KIRREL3: variants seen among roughly 807,000 people sequenced by gnomAD.
KIRREL3 encodes kirre like nephrin family adhesion molecule 3.
In KIRREL3, 36 loss-of-function variants were observed where a neutral mutation model predicts 89.7. The ratio of observed to expected loss-of-function variants is 0.40; its 90% CI spans 0.31 to 0.53. KIRREL3 has a LOEUF of 0.53. Ranked by LOEUF, KIRREL3 falls within the 20% of genes least tolerant of loss-of-function variation. The probability of loss-of-function intolerance (pLI) is 0.49; values close to 1 mark genes in which losing one functional copy is unlikely to be tolerated. For synonymous variants in KIRREL3, 445 were observed against 441.4 expected, an observed-to-expected ratio of 1.01 and a Z score of -0.10; for missense variants, 864 against 1,056.6, an observed-to-expected ratio of 0.82 and a Z score of 2.53.
In KIRREL3 at chr11:126,537,422, G is replaced by A. The variant is rs1937986455; in HGVS notation, c.134-10735C>T. Among the ~76,000 whole-genome samples, 1 of 152,222 alleles carries A rather than the reference G, an allele frequency of 6.6e-6. No homozygotes were observed. The highest frequency in any genetic ancestry group is 2.1e-4 in the South Asian group (1 of 4,836). ...TCTTGCTTCAAGCAAGGGAGTTGTG[G>A]GGAGGAAGCAGAGAAGGCATCCTGG... On this transcript the variant is annotated intron_variant, in intron 2 of 16. Transcript: ENST00000525144. This position sits in a 1 kb window ranked among gnomAD's most constrained non-coding sequence, Gnocchi z 4.3.
Position 126,704,788 on chromosome 11 carries a change from A to G in KIRREL3, c.56-141876T>C, listed in dbSNP as rs1439888134. On this transcript the variant is annotated intron_variant, in intron 1 of 16. Coordinates refer to ENST00000525144, the MANE Select transcript of KIRREL3 (RefSeq NM_032531.4). The surrounding 1 kb of genome is among the most constrained non-coding windows in gnomAD (Gnocchi z 4.2). ...TCCAAAGGCTTGATACAGGAACCAC[A>G]TCAGAATTGGTGACAAAACAAGCTG... is the stretch of plus-strand genomic sequence containing the variant. Among the ~76,000 whole-genome samples, 1 of 152,236 alleles carries G rather than the reference A, an allele frequency of 6.6e-6. No individual in the cohort carries two copies. Among genetic ancestry groups the G allele is most frequent in the Non-Finnish European group, 1.5e-5 (1 of 68,046 alleles).
chr11:126,891,677 G>A lies in KIRREL3; in HGVS notation c.55+108778C>T, dbSNP rs61907869. 5.5e-3 allele frequency among the ~76,000 whole-genome samples: 831 copies of A among 152,318 alleles called. 7 individuals are homozygous for A. Among genetic ancestry groups the A allele is most frequent in the Admixed American group, 0.01 (154 of 15,308 alleles). On this transcript the variant is annotated intron_variant, in intron 1 of 16. Coordinates refer to ENST00000525144, the MANE Select transcript of KIRREL3 (RefSeq NM_032531.4). This position sits in a 1 kb window ranked among gnomAD's most constrained non-coding sequence, Gnocchi z 5.1. ...CACAGACTTCAGAAATCACACCAAA[G>A]CAGCTTGGCTTCTAAGATGCAGCCC... is the stretch of plus-strand genomic sequence containing the variant.
chr11:126,781,870 T>C (rs901930471), intron 1 of KIRREL3, among the ~76,000 whole-genome samples: 1 of 152,208 alleles, frequency 6.6e-6, no homozygotes, highest in Non-Finnish European at 1.5e-5. Flanking sequence ...GGGCCACTTA[T>C]ACGATAGATT....
chr11:126,524,699 A>G (rs1958695862), intron 3 of KIRREL3, among the ~76,000 whole-genome samples: 1 of 152,348 alleles, frequency 6.6e-6, no homozygotes, highest in Middle Eastern at 3.4e-3. Flanking sequence ...CGGGGGGGCC[A>G]CATGGGTACA....
intron 1 of KIRREL3, among the ~76,000 whole-genome samples, chr11:126,626,862 G>GC (rs1410172072): frequency 2.0e-5 from 3 of 152,142 alleles, no homozygotes; most frequent in African/African-American, 7.2e-5. Context: ...TCAAAAATTA[G>GC]CCAGGCGTGG....
chr11:127,002,149 CAAGA>C (rs1307701254), upstream of KIRREL3, among the ~76,000 whole-genome samples: 2 of 152,120 alleles, frequency 1.3e-5, no homozygotes, highest in East Asian at 3.8e-4. Flanking sequence ...TATTTGTGAA[CAAGA>C]AAGAAAGAAG....
chr11:126,500,440 A>C (rs1237165377), intron 4 of KIRREL3, among the ~76,000 whole-genome samples: 1 of 152,208 alleles, frequency 6.6e-6, no homozygotes, highest in Non-Finnish European at 1.5e-5. Context: ...ACATTAATTT[A>C]GTTGAAAAAC....
At chr11:126,425,260 C>G (rs1376450554) in intron 16 of KIRREL3, among the ~76,000 whole-genome samples, 1 of 152,102 alleles carries the variant, frequency 6.6e-6, no homozygotes, top group Non-Finnish European at 1.5e-5. Context: ...AGGGGAGGGA[C>G]GGCAAGGGTG....
intron 1 of KIRREL3, among the ~76,000 whole-genome samples, chr11:126,665,576 C>T (rs1466630204): frequency 1.3e-5 from 2 of 152,292 alleles, no homozygotes; most frequent in East Asian, 3.9e-4. Flanking sequence ...CCCTCTTCCA[C>T]CATGTGAGGA....
At chr11:126,679,008 T>G (rs190637945) in intron 1 of KIRREL3, among the ~76,000 whole-genome samples, 3 of 152,316 alleles carry the variant, frequency 2.0e-5, no homozygotes, top group Non-Finnish European at 1.5e-5. Context: ...ACCAATGAGA[T>G]GTAAGGAGAA....
At position 126,788,101 on chromosome 11, in the gene KIRREL3, C is replaced by T. The variant is rs1383970775; in HGVS notation, c.55+212354G>A. Among the ~76,000 whole-genome samples the T allele has an allele frequency of 1.3e-5, 2 of 152,246 alleles. No individual in the cohort carries two copies. The highest frequency in any genetic ancestry group is 1.5e-5 in the Non-Finnish European group (1 of 68,022). On this transcript the variant is annotated intron_variant, in intron 1 of 16. Coordinates refer to ENST00000525144, the MANE Select transcript of KIRREL3 (RefSeq NM_032531.4). The surrounding 1 kb of genome is among the most constrained non-coding windows in gnomAD (Gnocchi z 4.1). ...GCTCTGGAGCCCATACTCTTAGCCA[C>T]GACAATATTCCGCCTCCCATAGCAT...
At chr11:126,926,846 G>C (rs564736628) in intron 1 of KIRREL3, among the ~76,000 whole-genome samples, 1 of 152,288 alleles carries the variant, frequency 6.6e-6, no homozygotes, top group African/African-American at 2.4e-5. Flanking sequence ...AATCGCTATG[G>C]ATTTTTCCCC....
At chr11:126,972,613 G>A (rs1446800255) in intron 1 of KIRREL3, among the ~76,000 whole-genome samples, 2 of 152,148 alleles carry the variant, frequency 1.3e-5, no homozygotes, top group Admixed American at 1.3e-4. Context: ...TATTATTTAG[G>A]CCACCACAGA....
At chr11:126,517,242 C>A (rs1958445918) in intron 4 of KIRREL3, among the ~76,000 whole-genome samples, 1 of 150,744 alleles carries the variant, frequency 6.6e-6, no homozygotes, top group Non-Finnish European at 1.5e-5. Flanking sequence ...AGATGAAGAA[C>A]CAGAAACGTC....
intron 7 of KIRREL3, among the ~76,000 whole-genome samples, chr11:126,450,646 CGT>C (rs569047646): frequency 0.081 from 10,939 of 134,952 alleles, 1,384 homozygotes; most frequent in African/African-American, 0.28. Flanking sequence ...AGCATGTGCA[CGT>C]GTGTGTGCAT....
intron 11 of KIRREL3, among the ~76,000 whole-genome samples, chr11:126,438,150 T>C (rs1029493030): frequency 1.3e-5 from 2 of 152,256 alleles, no homozygotes; most frequent in Non-Finnish European, 2.9e-5. Context: ...CCCCCGGGAC[T>C]GTGGCTGCCT....
chr11:126,591,106 G>C (rs1188546616), intron 1 of KIRREL3, among the ~76,000 whole-genome samples: 1 of 152,074 alleles, frequency 6.6e-6, no homozygotes, highest in Non-Finnish European at 1.5e-5. Flanking sequence ...TGTGCCTGTA[G>C]TCCCAGCTCC....
rs184536250 is a variant in KIRREL3, at chr11:126,428,796, G to A, written c.1806+383C>T. 7.5e-3 allele frequency among the ~76,000 whole-genome samples: 1,140 copies of A among 152,128 alleles called. 10 individuals carry two copies. The highest frequency in any genetic ancestry group is 0.025 in the African/African-American group (1,037 of 41,504). On this transcript the variant is annotated intron_variant, in intron 15 of 16. Coordinates refer to ENST00000525144, the MANE Select transcript of KIRREL3 (RefSeq NM_032531.4). This position sits in a 1 kb window ranked among gnomAD's most constrained non-coding sequence, Gnocchi z 6.4. ...CAAGTAGCTGGGATTACAGGCGCCC[G>A]CCACCACGCCCAGCTAATTTTTGTA...
rs35152573 is a variant in KIRREL3, at chr11:126,521,352, G to A, written c.396C>T (p.Ala132=). ...GGCGTGCGGGGCGGGAGCGGATGGC[G>A]GCCTGGATGGCCTGGCACTCGTACA... ...DAVYECQAIQ[A]AIRSRPARLT... Residue 132 remains alanine (A), a synonymous_variant, in exon 4 of 17, where the codon GCC becomes GCT. Transcript: ENST00000525144. The surrounding 1 kb of genome is among the most constrained non-coding windows in gnomAD (Gnocchi z 4.1). 1,506 of 1,553,852 alleles carry A rather than the reference G, an allele frequency of 9.7e-4. 2 individuals are homozygous for A. Among genetic ancestry groups the A allele is most frequent in the Non-Finnish European group, 1.2e-3 (1,434 of 1,148,546 alleles).
Sources: allele counts gnomAD v4.1 joint callset (sites outside exome capture counted in the v4.1 genomes callset), GRCh38; gene constraint gnomAD v4.1.1; non-coding constraint Gnocchi (gnomAD v3.1); transcripts MANE v1.5; gene names NCBI Gene and HGNC (gene_info 2026-07-23, HGNC 2026-07-21).